Variants in TENM3 observed in about 807,000 individuals in gnomAD.
TENM3 encodes the protein teneurin transmembrane protein 3, also known as teneurin-3.
TENM3 carries 63 observed loss-of-function variants against 255.1 expected under a neutral mutation model. That is an observed-to-expected ratio of 0.25 (90% CI 0.20 to 0.30). TENM3 has a LOEUF of 0.30. Ranked by LOEUF, TENM3 falls within the 10% of genes least tolerant of loss-of-function variation. The pLI, the probability that TENM3 is intolerant of heterozygous loss-of-function variation, is 1.00. For missense variants in TENM3, 2,929 were observed against 3,461.1 expected, an observed-to-expected ratio of 0.85 and a Z score of 3.86; for synonymous variants, 1,306 against 1,322.3, an observed-to-expected ratio of 0.99 and a Z score of 0.27.
At chr4:181,714,176 C>G in the TENM3 span, among the ~76,000 whole-genome samples, 1 of 152,136 alleles carries the variant, frequency 6.6e-6, no homozygotes, top group African/African-American at 2.4e-5. Flanking sequence ...TGGCTCATGC[C>G]TATAATCCAA....
At chr4:182,150,438 T>A (rs1332268443) in intron 1 of TENM3, among the ~76,000 whole-genome samples, 2 of 152,102 alleles carry the variant, frequency 1.3e-5, no homozygotes, top group Non-Finnish European at 1.5e-5. Context: ...TTTAAATATA[T>A]GTATTTTCAA....
At position 182,767,062 on chromosome 4, in the gene TENM3, C is replaced by T. The variant is rs78545500; in HGVS notation, c.4893-6410C>T. On this transcript the variant is annotated intron_variant, in intron 22 of 27. Coordinates refer to ENST00000511685, the MANE Select transcript of TENM3 (RefSeq NM_001080477.4). ...GGTGGTGCCATGATGTGGGCGTAGGCGACTGCTCTGTTTCCCTTGGTGATA... is the reference window on the plus strand; with the variant it reads ...GGTGGTGCCATGATGTGGGCGTAGGTGACTGCTCTGTTTCCCTTGGTGATA... Among the ~76,000 whole-genome samples, 756 of 152,184 alleles carry T rather than the reference C, an allele frequency of 5.0e-3. 10 individuals carry two copies. Among genetic ancestry groups the T allele is most frequent in the African/African-American group, 0.017 (719 of 41,492 alleles).
intron 3 of TENM3, among the ~76,000 whole-genome samples, chr4:182,409,594 A>G (rs1769831622): frequency 6.6e-6 from 1 of 152,188 alleles, no homozygotes; most frequent in Admixed American, 6.5e-5. Flanking sequence ...TCAGCAGTCG[A>G]TGATGAGGAC....
chr4:181,956,383 C>T, the TENM3 span, among the ~76,000 whole-genome samples: 4 of 152,186 alleles, frequency 2.6e-5, no homozygotes, highest in African/African-American at 9.7e-5. Context: ...TTTCAATAGA[C>T]ACCCATGACA....
the TENM3 span, among the ~76,000 whole-genome samples, chr4:181,570,911 G>T: frequency 6.6e-6 from 1 of 152,226 alleles, no homozygotes; most frequent in Non-Finnish European, 1.5e-5. Flanking sequence ...ATGGGGGAAG[G>T]CAGGAGCACT....
At chr4:181,500,571 G>A in the TENM3 span, among the ~76,000 whole-genome samples, 2 of 152,014 alleles carry the variant, frequency 1.3e-5, no homozygotes, top group African/African-American at 4.8e-5. Context: ...CTTCCATTTT[G>A]TAAATCAAAT....
At chr4:182,778,980 A>C (rs1579470076) in intron 24 of TENM3, among the ~76,000 whole-genome samples, 1 of 134,616 alleles carries the variant, frequency 7.4e-6, no homozygotes, top group East Asian at 2.2e-4. Context: ...AATTGTTAGT[A>C]CTTTTAGTTT....
At chr4:182,460,521 G>A (rs1358134209) in intron 3 of TENM3, among the ~76,000 whole-genome samples, 1 of 152,184 alleles carries the variant, frequency 6.6e-6, no homozygotes, top group Non-Finnish European at 1.5e-5. Flanking sequence ...TACACTAGCG[G>A]TTGCCTGTGA....
intron 2 of TENM3, 73 bp from the exon 3 acceptor site, chr4:182,346,575 TAAA>T (rs33933747): frequency 8.9e-4 from 779 of 875,696 alleles, no homozygotes; most frequent in South Asian, 1.0e-3. Flanking sequence ...AAGACATTCT[TAAA>T]AAAAAAAAAA....
chr4:182,240,963 T>C (rs1757217933), upstream of TENM3, among the ~76,000 whole-genome samples: 1 of 152,110 alleles, frequency 6.6e-6, no homozygotes, highest in Admixed American at 6.5e-5. Context: ...CTTCACTCAG[T>C]ATTTCCTCCT....
intron 2 of TENM3, among the ~76,000 whole-genome samples, chr4:182,338,693 A>G (rs1292173943): frequency 2.6e-5 from 4 of 152,204 alleles, no homozygotes; most frequent in Non-Finnish European, 4.4e-5. Context: ...TGATTAAAAT[A>G]ATAATGTCTC....
the TENM3 span, among the ~76,000 whole-genome samples, chr4:182,137,801 G>A: frequency 6.6e-6 from 1 of 152,046 alleles, no homozygotes; most frequent in African/African-American, 2.4e-5. Context: ...AAGCTGCAAG[G>A]GAAGACCCAT....
At chr4:181,521,893 G>A in the TENM3 span, among the ~76,000 whole-genome samples, 1 of 151,908 alleles carries the variant, frequency 6.6e-6, no homozygotes, top group African/African-American at 2.4e-5. Context: ...TCAGGAGATC[G>A]AGACCATCCT....
chr4:181,572,277 CT>C, the TENM3 span, among the ~76,000 whole-genome samples: 1 of 152,130 alleles, frequency 6.6e-6, no homozygotes, highest in Non-Finnish European at 1.5e-5. Flanking sequence ...ATTCTCAGTC[CT>C]TCCTACAGGG....
the TENM3 span, among the ~76,000 whole-genome samples, chr4:181,748,205 T>C: frequency 6.6e-6 from 1 of 152,110 alleles, no homozygotes. Flanking sequence ...GAATTATTAT[T>C]AAATTCCTAG....
the TENM3 span, among the ~76,000 whole-genome samples, chr4:181,934,169 G>C: frequency 6.6e-6 from 1 of 151,668 alleles, no homozygotes; most frequent in Non-Finnish European, 1.5e-5. Flanking sequence ...CCTGATAGAG[G>C]GTAAGGACAT....
intron 16 of TENM3, among the ~76,000 whole-genome samples, chr4:182,732,208 A>G (rs1330402289): frequency 6.6e-6 from 1 of 152,062 alleles, no homozygotes; most frequent in Non-Finnish European, 1.5e-5. Context: ...GTCTTTGTTC[A>G]TTTATTTATT....
chr4:182,504,616 G>C (rs916969360), intron 3 of TENM3, among the ~76,000 whole-genome samples: 3 of 152,150 alleles, frequency 2.0e-5, no homozygotes, highest in Non-Finnish European at 2.9e-5. Context: ...GTTCTTATTC[G>C]CATGCGAATG....
At chr4:181,951,795 G>T in the TENM3 span, among the ~76,000 whole-genome samples, 3 of 152,226 alleles carry the variant, frequency 2.0e-5, no homozygotes, top group Admixed American at 2.0e-4. Flanking sequence ...AAACAAACGA[G>T]AGAGAACAGA....
Sources: allele counts gnomAD v4.1 joint callset (sites outside exome capture counted in the v4.1 genomes callset), GRCh38; gene constraint gnomAD v4.1.1; transcripts MANE v1.5; gene names NCBI Gene and HGNC (gene_info 2026-07-23, HGNC 2026-07-21).